The following ABHD12B variants were observed in gnomAD, a reference collection of about 807,000 sequenced individuals.
The protein encoded by ABHD12B is protein ABHD12B.
ABHD12B carries 42 observed loss-of-function variants against 50.4 expected under a neutral mutation model. The observed-to-expected ratio is 0.83, with a 90% CI of 0.65 to 1.08. The LOEUF is 1.08. Ranked by LOEUF, ABHD12B falls within the 50% of genes least tolerant of loss-of-function variation. The pLI is 0.00. For synonymous variants in ABHD12B, 167 were observed against 160.3 expected, an observed-to-expected ratio of 1.04 and a Z score of -0.32; for missense variants, 479 against 447.7, an observed-to-expected ratio of 1.07 and a Z score of -0.63.
intron 9 of ABHD12B, among the ~76,000 whole-genome samples, chr14:50,897,433 CT>C (rs527728614): frequency 7.7e-4 from 118 of 152,266 alleles, no homozygotes; most frequent in African/African-American, 2.6e-3. Context: ...AAATGTCCAC[CT>C]TTTTTGTGAT....
At chr14:50,880,644 C>A in intron 4 of ABHD12B, 73 bp downstream of exon 4, 2 of 1,434,014 alleles carry the variant, frequency 1.4e-6, no homozygotes, top group Non-Finnish European at 1.8e-6. Context: ...GAATGAAGGA[C>A]AGGGCTCTGT....
intron 9 of ABHD12B, among the ~76,000 whole-genome samples, chr14:50,898,708 C>T (rs1248215874): frequency 6.6e-6 from 1 of 152,172 alleles, no homozygotes; most frequent in East Asian, 1.9e-4. Flanking sequence ...TCAGGGGAGT[C>T]TTAATTCCAG....
chr14:50,886,389 G>A (rs574609875), intron 7 of ABHD12B, among the ~76,000 whole-genome samples: 29 of 148,354 alleles, frequency 2.0e-4, no homozygotes, highest in Admixed American at 1.8e-3. Flanking sequence ...GCAGTGAGCC[G>A]AGATTGTACC....
At position 50,872,089 on chromosome 14, in the gene ABHD12B, G is replaced by T; in HGVS notation, c.-86G>T. 1.9e-6 allele frequency: 2 copies of T among 1,043,836 alleles called. No homozygotes were observed. Among genetic ancestry groups the T allele is most frequent in the Non-Finnish European group, 2.4e-6 (2 of 827,682 alleles). The allele number at this position is 1,043,836 out of a possible 1,614,324, so 64.7% of individuals were successfully genotyped here. A position where few individuals can be genotyped will look rare whatever the true frequency, so the allele number is the denominator to read the frequency against. ...CCGCGCGGAGGAGGAGGGCGGGCGCGGTGCCGCCGGGGCGGGAAGGTCGCG... is the reference window on the plus strand; with the variant it reads ...CCGCGCGGAGGAGGAGGGCGGGCGCTGTGCCGCCGGGGCGGGAAGGTCGCG... On this transcript the variant is annotated 5_prime_UTR_variant, in exon 1 of 13. Coordinates refer to ENST00000337334, the MANE Select transcript of ABHD12B (RefSeq NM_001206673.2).
intron 9 of ABHD12B, among the ~76,000 whole-genome samples, chr14:50,900,441 G>A (rs2050249742): frequency 6.6e-6 from 1 of 152,110 alleles, no homozygotes. Flanking sequence ...GAAAGTTGTG[G>A]TCCATTTACC....
intron 9 of ABHD12B, among the ~76,000 whole-genome samples, chr14:50,895,363 C>A (rs1157837728): frequency 6.6e-6 from 1 of 152,072 alleles, no homozygotes; most frequent in Admixed American, 6.5e-5. Context: ...CCAGCCACAT[C>A]TCCAGCACAC....
intron 2 of ABHD12B, among the ~76,000 whole-genome samples, chr14:50,878,294 G>A (rs1042772563): frequency 2.6e-5 from 4 of 152,126 alleles, no homozygotes; most frequent in African/African-American, 9.7e-5. Context: ...TTGTGGGTGG[G>A]GGTTCCATTC....
chr14:50,889,458 T>G (rs1484027477), intron 9 of ABHD12B, among the ~76,000 whole-genome samples: 1 of 152,094 alleles, frequency 6.6e-6, no homozygotes, highest in Non-Finnish European at 1.5e-5. Flanking sequence ...GCCAACATGG[T>G]GAAACCCCGT....
rs958946670 is a variant in ABHD12B at position 50,877,940 on chromosome 14, A to C, written c.105-12A>C. On this transcript the variant is annotated splice_polypyrimidine_tract_variant and intron_variant, in intron 1 of 12. Coordinates refer to ENST00000337334, the MANE Select transcript of ABHD12B (RefSeq NM_001206673.2). Reference sequence around the variant, plus strand: ...ATTTCGAAAACCTTGTGTGTTTCCCAATACCTTGCAGATATTTTCCACACT... The same window carrying C: ...ATTTCGAAAACCTTGTGTGTTTCCCCATACCTTGCAGATATTTTCCACACT... 8.0e-6 allele frequency: 12 copies of C among 1,504,724 alleles called. No homozygotes were observed. The highest frequency in any genetic ancestry group is 1.1e-5 in the Non-Finnish European group (12 of 1,134,824). 93.2% of individuals were successfully genotyped at this position (1,504,724 alleles called of 1,614,324 possible). A position where few individuals can be genotyped will look rare whatever the true frequency, so the allele number is the denominator to read the frequency against.
intron 9 of ABHD12B, among the ~76,000 whole-genome samples, chr14:50,897,133 C>A (rs187043421): frequency 2.8e-5 from 4 of 143,708 alleles, no homozygotes; most frequent in Admixed American, 1.4e-4. Context: ...AGTGCAGTGG[C>A]GTGATCTCAG....
chr14:50,888,979 A>G (rs930320491), intron 9 of ABHD12B, 76 bp downstream of exon 9: 1 of 1,153,458 alleles, frequency 8.7e-7, no homozygotes, highest in Non-Finnish European at 1.3e-6. Context: ...CTACACATGT[A>G]TGTTTATTAA....
intron 9 of ABHD12B, among the ~76,000 whole-genome samples, chr14:50,889,368 G>C (rs1227376824): frequency 6.6e-6 from 1 of 152,220 alleles, no homozygotes; most frequent in Non-Finnish European, 1.5e-5. Context: ...GGCCGGGAGT[G>C]GTGGCTCCCA....
In ABHD12B at chr14:50,901,892, A is replaced by G. The variant is rs28564871; in HGVS notation, c.844A>G (p.Ile282Val). Residue 282 changes from isoleucine to valine, a missense_variant, in exon 10 of 13, where the codon ATC (isoleucine) becomes GTC (valine). Transcript: ENST00000337334. ...LMDALRKDKIIFPNDENVKFL... is the reference protein window; with the variant it reads ...LMDALRKDKIVFPNDENVKFL... ...GGATGCCCTGAGAAAAGACAAAATA[A>G]TCTTTCCTAATGATGAAAAGTAAGT... 0.21 allele frequency: 329,636 copies of G among 1,587,790 alleles called. 38,401 individuals are homozygous for G. The highest frequency in any genetic ancestry group is 0.45 in the East Asian group (19,688 of 44,116).
chr14:50,888,909 ACT>A lies in ABHD12B; in HGVS notation c.780+9_780+10del, dbSNP rs749986731. On this transcript the variant is annotated splice_region_variant and intron_variant, in intron 9 of 12. Coordinates refer to ENST00000337334, the MANE Select transcript of ABHD12B (RefSeq NM_001206673.2). ...TCAATTATCCCTTGTTAAAGGTGAG[ACT>A]CTGATTCATCTTTACAAGGGATCAA... 5 of 1,612,608 alleles carry A rather than the reference ACT, an allele frequency of 3.1e-6. No homozygotes were observed. Among genetic ancestry groups the A allele is most frequent in the Non-Finnish European group, 3.4e-6 (4 of 1,178,782 alleles).
chr14:50,880,627 C>T, intron 4 of ABHD12B, 56 bp downstream of exon 4: 2 of 1,473,656 alleles, frequency 1.4e-6, no homozygotes, highest in Non-Finnish European at 1.8e-6. Flanking sequence ...ATTTCAGCCC[C>T]ATGGGGGAAT....
chr14:50,903,796 A>T (rs1386700457), intron 11 of ABHD12B, among the ~76,000 whole-genome samples: 2 of 152,324 alleles, frequency 1.3e-5, no homozygotes, highest in East Asian at 3.9e-4. Context: ...CCTTTTAAAC[A>T]AACTTCTACT....
rs764393866 is a variant in ABHD12B, at chr14:50,878,036, C to T, written c.189C>T (p.His63=). The change falls in exon 2 of 13, where the codon CAC becomes CAT. Residue 63 remains histidine, a synonymous_variant. Transcript: ENST00000337334. ...TTACTAGTAAATCCTTAAAAGAACA[C>T]GTTTTCCTTCCTCTGATAGACATGC... ...DSFTSKSLKE[H]VFLPLIDMLI... The T allele has an allele frequency of 2.9e-5, 45 of 1,533,568 alleles. 1 individual carries two copies. Among genetic ancestry groups the T allele is most frequent in the Admixed American group, 5.9e-5 (3 of 50,626 alleles). The allele number at this position is 1,533,568 out of a possible 1,614,324, so 95.0% of individuals were successfully genotyped here.
At chr14:50,880,632 G>C in intron 4 of ABHD12B, 61 bp downstream of exon 4, 1 of 1,462,336 alleles carries the variant, frequency 6.8e-7, no homozygotes, top group Non-Finnish European at 9.1e-7. Flanking sequence ...AGCCCCATGG[G>C]GGAATGAAGG....
At position 50,904,692 on chromosome 14, in the gene ABHD12B, C is replaced by T. The variant is rs147100235; in HGVS notation, c.*326C>T. On this transcript the variant is annotated 3_prime_UTR_variant, in exon 13 of 13. Coordinates refer to ENST00000337334, the MANE Select transcript of ABHD12B (RefSeq NM_001206673.2). ...TGTGAATAAGGTAGTTGCTATGGTC[C>T]GAATATCTGGGCCTGCCCCCCCAAA... 974 of 394,448 alleles carry T rather than the reference C, an allele frequency of 2.5e-3. 4 individuals carry two copies. Among genetic ancestry groups the T allele is most frequent in the African/African-American group, 0.011 (564 of 49,604 alleles). 24.4% of individuals were successfully genotyped at this position (394,448 alleles called of 1,614,324 possible). A position where few individuals can be genotyped will look rare whatever the true frequency, so the allele number is the denominator to read the frequency against.
Sources: allele counts gnomAD v4.1 joint callset (sites outside exome capture counted in the v4.1 genomes callset), GRCh38; gene constraint gnomAD v4.1.1; transcripts MANE v1.5; gene names NCBI Gene and HGNC (gene_info 2026-07-23, HGNC 2026-07-21).